The following GABRB1 variants were observed in gnomAD, a reference collection of about 807,000 sequenced individuals.
GABRB1 encodes the protein gamma-aminobutyric acid receptor subunit beta-1.
GABRB1 carries 17 observed loss-of-function variants against 51.6 expected under a neutral mutation model. That is an observed-to-expected ratio of 0.33 (90% CI 0.23 to 0.49). GABRB1 has a LOEUF of 0.49. Among genes scored for constraint, GABRB1 ranks in the 20% least tolerant of loss-of-function variants. The pLI is 0.99. For missense variants in GABRB1, 410 were observed against 600.6 expected (o/e 0.68, Z 3.32); for synonymous variants, 247 against 218.9 (o/e 1.13, Z -1.14).
At chr4:47,127,510 C>T (rs1716209429) in intron 3 of GABRB1, among the ~76,000 whole-genome samples, 2 of 151,734 alleles carry the variant, frequency 1.3e-5, no homozygotes, top group Admixed American at 6.6e-5. Context: ...TCACCGCCAC[C>T]ACCATATCTA....
At chr4:47,357,052 A>G (rs995171403) in intron 5 of GABRB1, among the ~76,000 whole-genome samples, 1 of 152,202 alleles carries the variant, frequency 6.6e-6, no homozygotes, top group Non-Finnish European at 1.5e-5. Context: ...AAGCCAAGAT[A>G]CAAACCTCAT....
chr4:47,013,011 C>A (rs1724625847), intron 1 of GABRB1, among the ~76,000 whole-genome samples: 1 of 152,128 alleles, frequency 6.6e-6, no homozygotes, highest in South Asian at 2.1e-4. Flanking sequence ...TGTATGAGTA[C>A]ACCACAATTT....
intron 5 of GABRB1, among the ~76,000 whole-genome samples, chr4:47,338,672 A>C (rs1187903646): frequency 1.3e-5 from 2 of 152,162 alleles, no homozygotes; most frequent in Non-Finnish European, 2.9e-5. Context: ...TAAGCAGACA[A>C]CTTTTCAGCA....
chr4:47,241,093 C>T (rs2109848140), intron 4 of GABRB1, among the ~76,000 whole-genome samples: 1 of 152,118 alleles, frequency 6.6e-6, no homozygotes. Flanking sequence ...AAATCTGGTA[C>T]TTTTCTTTCT....
chr4:47,199,242 A>C (rs1719803559), intron 4 of GABRB1, among the ~76,000 whole-genome samples: 1 of 152,220 alleles, frequency 6.6e-6, no homozygotes, highest in Non-Finnish European at 1.5e-5. Context: ...CTCAAATTGC[A>C]AAATAAGTTA....
intron 4 of GABRB1, among the ~76,000 whole-genome samples, chr4:47,261,613 C>G (rs1322494124): frequency 1.3e-5 from 2 of 151,898 alleles, no homozygotes; most frequent in Admixed American, 6.6e-5. Flanking sequence ...AATGGCCATA[C>G]TGCCCAAGGT....
In GABRB1 at chr4:47,281,372, T is replaced by C. The variant is rs116559377; in HGVS notation, c.462-38755T>C. ...ATGACCTCATGCTTATTAGAATGGC[T>C]GTTATAAAAAAGACAAATGATAATA... On this transcript the variant is annotated intron_variant, in intron 4 of 8. Transcript: ENST00000295454. Among the ~76,000 whole-genome samples the C allele has an allele frequency of 8.0e-3, 1,219 of 152,274 alleles. 15 individuals are homozygous for C. Among genetic ancestry groups the C allele is most frequent in the African/African-American group, 0.028 (1,149 of 41,568 alleles).
At chr4:47,410,957 A>T (rs1037923377) in intron 8 of GABRB1, among the ~76,000 whole-genome samples, 1 of 152,220 alleles carries the variant, frequency 6.6e-6, no homozygotes, top group East Asian at 1.9e-4. Flanking sequence ...ATTCTGGATG[A>T]TATGTTAGTC....
intron 2 of GABRB1, 102 bp from the exon 3 acceptor site, chr4:47,032,315 G>A: frequency 9.2e-7 from 1 of 1,082,788 alleles, no homozygotes; most frequent in East Asian, 2.4e-5. Flanking sequence ...AGCAGGGAGG[G>A]AGCCCGTTAA....
At chr4:47,338,282 T>C (rs1365610215) in intron 5 of GABRB1, among the ~76,000 whole-genome samples, 3 of 152,332 alleles carry the variant, frequency 2.0e-5, no homozygotes, top group Non-Finnish European at 2.9e-5. Flanking sequence ...GATTCTTTCA[T>C]CTTGCAAGTG....
Position 47,241,367 on chromosome 4 carries a change from T to C in GABRB1, c.462-78760T>C, listed in dbSNP as rs139553824. Among the ~76,000 whole-genome samples the C allele has an allele frequency of 4.7e-4, 71 of 152,292 alleles. 1 individual carries two copies. Among genetic ancestry groups the C allele is most frequent in the African/African-American group, 1.6e-3 (68 of 41,564 alleles). ...CAGTATGTTACCCAATTTAAGTCAT[T>C]ATTGTGTGTTAGCACTGACTAACAA... is the stretch of plus-strand genomic sequence containing the variant. On this transcript the variant is annotated intron_variant, in intron 4 of 8. Coordinates refer to ENST00000295454, the MANE Select transcript of GABRB1 (RefSeq NM_000812.4).
intron 5 of GABRB1, among the ~76,000 whole-genome samples, chr4:47,362,467 T>TAAC (rs1726843099): frequency 3.3e-5 from 5 of 152,320 alleles, no homozygotes; most frequent in Admixed American, 3.3e-4. Context: ...TTCTAGGCTA[T>TAAC]TGATGTGATT....
chr4:47,165,747 T>C (rs1718156070), intron 4 of GABRB1, among the ~76,000 whole-genome samples: 1 of 152,108 alleles, frequency 6.6e-6, no homozygotes, highest in African/African-American at 2.4e-5. Flanking sequence ...AAATTTCCAA[T>C]TGCTCACTGA....
intron 4 of GABRB1, among the ~76,000 whole-genome samples, chr4:47,246,329 CATATGTACATATATAT>C (rs1560295646): frequency 3.8e-4 from 11 of 29,030 alleles, no homozygotes; most frequent in Admixed American, 8.9e-4. Flanking sequence ...CACACACACA[CATATGTACATATATAT>C]ATATATATAT....
intron 4 of GABRB1, among the ~76,000 whole-genome samples, chr4:47,270,084 G>A (rs73247690): frequency 0.012 from 1,820 of 152,134 alleles, 11 homozygotes; most frequent in Non-Finnish European, 0.018. Context: ...TGTCCAGTTC[G>A]CCTTTGGATT....
intron 5 of GABRB1, among the ~76,000 whole-genome samples, chr4:47,365,095 A>G (rs1726930276): frequency 6.6e-6 from 1 of 152,224 alleles, no homozygotes; most frequent in Non-Finnish European, 1.5e-5. Flanking sequence ...AGCTGACTGC[A>G]CTCTGAAAAC....
chr4:47,085,676 G>C (rs572985229), intron 3 of GABRB1, among the ~76,000 whole-genome samples: 5 of 152,174 alleles, frequency 3.3e-5, no homozygotes, highest in Admixed American at 6.5e-5. Context: ...TAAAACCTAA[G>C]TGTCTTAAAA....
chr4:47,195,125 G>A (rs1719592651), intron 4 of GABRB1, among the ~76,000 whole-genome samples: 1 of 152,114 alleles, frequency 6.6e-6, no homozygotes, highest in South Asian at 2.1e-4. Flanking sequence ...CCAGCACTTT[G>A]GGAGGCCGAG....
chr4:47,014,235 T>G (rs2109443312), intron 1 of GABRB1, among the ~76,000 whole-genome samples: 1 of 152,276 alleles, frequency 6.6e-6, no homozygotes, highest in Middle Eastern at 3.4e-3. Flanking sequence ...CTTTTACAAT[T>G]TCCATAGTTT....
Sources: allele counts gnomAD v4.1 joint callset (sites outside exome capture counted in the v4.1 genomes callset), GRCh38; gene constraint gnomAD v4.1.1; transcripts MANE v1.5; gene names NCBI Gene and HGNC (gene_info 2026-07-23, HGNC 2026-07-21).